SORL1: variants seen among roughly 807,000 people sequenced by gnomAD.
The protein encoded by SORL1 is sortilin related receptor 1.
Under a neutral mutation model 273.7 loss-of-function variants are expected in SORL1, and 127 were observed. The observed-to-expected ratio is 0.46, with a 90% CI of 0.40 to 0.54. The LOEUF (loss-of-function observed/expected upper bound fraction) is 0.54. Among genes scored for constraint, SORL1 ranks in the 20% least tolerant of loss-of-function variants. The pLI is 0.00. For synonymous variants in SORL1, 1,031 were observed against 1,067.4 expected (o/e 0.97, Z 0.66); for missense variants, 2,494 against 2,846.1 (o/e 0.88, Z 2.81).
At chr11:121,604,162 C>A (rs552404655) in intron 32 of SORL1, 31 bp from the exon 33 acceptor site, 2 of 1,612,140 alleles carry the variant, frequency 1.2e-6, no homozygotes, top group Admixed American at 3.3e-5. Flanking sequence ...GGCCCCTCCC[C>A]GTGGACTTAA....
intron 1 of SORL1, among the ~76,000 whole-genome samples, chr11:121,463,190 T>G (rs1861029264): frequency 6.6e-6 from 1 of 152,336 alleles, no homozygotes; most frequent in Admixed American, 6.5e-5. Flanking sequence ...CTGAGCTTAA[T>G]CTCATTTGCA....
chr11:121,487,460 C>T (rs891507630), intron 3 of SORL1, among the ~76,000 whole-genome samples: 1 of 152,242 alleles, frequency 6.6e-6, no homozygotes, highest in South Asian at 2.1e-4. Flanking sequence ...CCAGAGTGAG[C>T]CTGCCAGCCA....
rs1862709200 is a variant in SORL1 at position 121,563,567 on chromosome 11, T to C, written c.3050-3373T>C. Among the ~76,000 whole-genome samples the C allele has an allele frequency of 6.6e-6, 1 of 152,086 alleles. No individual in the cohort carries two copies. Among genetic ancestry groups the C allele is most frequent in the Non-Finnish European group, 1.5e-5 (1 of 68,016 alleles). On this transcript the variant is annotated intron_variant, in intron 21 of 47. Coordinates refer to ENST00000260197, the MANE Select transcript of SORL1 (RefSeq NM_003105.6). The surrounding 1 kb of genome is among the most constrained non-coding windows in gnomAD (Gnocchi z 4.2). ...TGTGCCACCATGCCTGGCTAATTTT[T>C]TGTATTTTAGTAGAGATTGGGTTTC...
Position 121,577,395 on chromosome 11 carries a change from G to C in SORL1, c.3575G>C (p.Cys1192Ser). The C allele has an allele frequency of 6.3e-7, 1 of 1,597,842 alleles. No homozygotes were observed. The change falls in exon 25 of 48, where the codon TGT becomes TCT. Residue 1192 changes from cysteine to serine, a missense_variant. By Grantham distance (112) the Cys-to-Ser change is moderately radical. Coordinates refer to ENST00000260197, the MANE Select transcript of SORL1 (RefSeq NM_003105.6). ...DCRDWSDEANCTAIYHTCEAS... is the reference protein window; with the variant it reads ...DCRDWSDEANSTAIYHTCEAS... ...AGGGACTGGTCTGATGAAGCCAACT[G>C]TACCGGTCAGTACTTCCTGGACTCA... is the stretch of plus-strand genomic sequence containing the variant.
At chr11:121,526,366 C>G (rs932120485) in intron 11 of SORL1, among the ~76,000 whole-genome samples, 5 of 152,128 alleles carry the variant, frequency 3.3e-5, no homozygotes, top group Admixed American at 3.3e-4. Context: ...ATTTCCAAAG[C>G]CTTATAGTAA....
At chr11:121,478,546 T>A (rs1210736875) in intron 3 of SORL1, among the ~76,000 whole-genome samples, 1 of 152,154 alleles carries the variant, frequency 6.6e-6, no homozygotes. Context: ...ATGGCAAAAA[T>A]GTTTCCCAGG....
In SORL1 at chr11:121,596,318, G is replaced by A. The variant is rs1211362429; in HGVS notation, c.4519+546G>A. 6.6e-6 allele frequency among the ~76,000 whole-genome samples: 1 copy of A among 152,216 alleles called. No individual in the cohort carries two copies. The highest frequency in any genetic ancestry group is 2.1e-4 in the South Asian group (1 of 4,836). On this transcript the variant is annotated intron_variant, in intron 32 of 47. Coordinates refer to ENST00000260197, the MANE Select transcript of SORL1 (RefSeq NM_003105.6). The surrounding 1 kb of genome is among the most constrained non-coding windows in gnomAD (Gnocchi z 4.3). ...GTGAGGTGATGCATGCATTCTCTAC[G>A]GGTTTGGAGTTGGTGGGTCCTGGTG... is the stretch of plus-strand genomic sequence containing the variant.
rs1313083593 is a variant in SORL1, at chr11:121,559,807, C to T, written c.3049+150C>T. On this transcript the variant is annotated intron_variant, in intron 21 of 47. Coordinates refer to ENST00000260197, the MANE Select transcript of SORL1 (RefSeq NM_003105.6). ...TTATTTAATTTCTTCCTAATGACAT[C>T]TTAATTTCTTTTCTAATGATACACA... 4.5e-6 allele frequency: 3 copies of T among 661,922 alleles called. No individual in the cohort carries two copies. The African/African-American group carries it at 5.6e-5, about 12-fold the overall frequency. The allele number at this position is 661,922 out of a possible 1,614,324, so 41.0% of individuals were successfully genotyped here.
intron 18 of SORL1, 104 bp downstream of exon 18, chr11:121,555,422 A>G: frequency 7.0e-7 from 1 of 1,434,356 alleles, no homozygotes; most frequent in Admixed American, 2.0e-5. Flanking sequence ...CAGATTACTC[A>G]GGAAATTTAC....
intron 2 of SORL1, among the ~76,000 whole-genome samples, chr11:121,475,358 A>G (rs141913617): frequency 6.6e-6 from 1 of 152,224 alleles, no homozygotes; most frequent in Admixed American, 6.5e-5. Context: ...AGGAAAGTTG[A>G]TGAGTGGTTC....
chr11:121,527,224 T>G (rs1862136817), intron 11 of SORL1, among the ~76,000 whole-genome samples: 1 of 151,908 alleles, frequency 6.6e-6, no homozygotes, highest in Non-Finnish European at 1.5e-5. Flanking sequence ...AATCAGATAC[T>G]GGATTTTGTG....
At chr11:121,618,944 GC>G in intron 42 of SORL1, 51 bp downstream of exon 42, 1 of 1,609,060 alleles carries the variant, frequency 6.2e-7, no homozygotes, top group Non-Finnish European at 8.5e-7. Context: ...TAAGTCCTGG[GC>G]TCTGGTCTCA....
intron 5 of SORL1, among the ~76,000 whole-genome samples, chr11:121,494,100 C>T (rs1238521771): frequency 1.3e-5 from 2 of 152,094 alleles, no homozygotes; most frequent in African/African-American, 4.8e-5. Context: ...GCTTAAGAAA[C>T]TATAAATTAA....
chr11:121,517,344 AC>A (rs1489199956), intron 8 of SORL1, among the ~76,000 whole-genome samples: 1 of 152,140 alleles, frequency 6.6e-6, no homozygotes. Flanking sequence ...ATAATATGTG[AC>A]CTTCTGTGTC....
Position 121,632,509 on chromosome 11 carries a change from C to G in SORL1, c.*2946C>G, listed in dbSNP as rs1863889519. On this transcript the variant is annotated 3_prime_UTR_variant, in exon 48 of 48. Transcript: ENST00000260197. Reference sequence around the variant, plus strand: ...GGACAAGTAATTCCTGGGGTTCTGTCTTTGGTAGCATCACCAGGGATATTT... The same window carrying G: ...GGACAAGTAATTCCTGGGGTTCTGTGTTTGGTAGCATCACCAGGGATATTT... The G allele has an allele frequency of 6.6e-6, 1 of 151,724 alleles. No individual in the cohort carries two copies. The highest frequency in any genetic ancestry group is 1.5e-5 in the Non-Finnish European group (1 of 67,968). The allele number at this position is 151,724 out of a possible 1,614,324, so 9.4% of individuals were successfully genotyped here.
chr11:121,532,615 T>A, intron 12 of SORL1, 63 bp downstream of exon 12: 1 of 1,339,678 alleles, frequency 7.5e-7, no homozygotes, highest in South Asian at 1.2e-5. Flanking sequence ...CGTCTGTGAT[T>A]ATAATTGGAT....
intron 12 of SORL1, among the ~76,000 whole-genome samples, chr11:121,534,621 T>G (rs1862244214): frequency 6.6e-6 from 1 of 152,252 alleles, no homozygotes; most frequent in Non-Finnish European, 1.5e-5. Context: ...GAGCTTGGCC[T>G]AAATCTGTGT....
rs570279069 is a variant in SORL1 at position 121,632,874 on chromosome 11, T to G, written c.*3311T>G. 3.9e-5 allele frequency: 6 copies of G among 152,250 alleles called. No homozygotes were observed. The highest frequency in any genetic ancestry group is 6.5e-5 in the Admixed American group (1 of 15,302). The allele number at this position is 152,250 out of a possible 1,614,324, so 9.4% of individuals were successfully genotyped here. ...CATGGGGAATTCCTGAAAATTTTCT[T>G]CCTTCTGCAGACAGTTGGATGAGTC... On this transcript the variant is annotated 3_prime_UTR_variant, in exon 48 of 48. Coordinates refer to ENST00000260197, the MANE Select transcript of SORL1 (RefSeq NM_003105.6).
At chr11:121,457,253 C>T (rs1008750232) in intron 1 of SORL1, among the ~76,000 whole-genome samples, 2 of 151,940 alleles carry the variant, frequency 1.3e-5, no homozygotes, top group South Asian at 2.1e-4. Flanking sequence ...AGTAAGGAGG[C>T]GGAATTTGGA....
Sources: gnomAD v4.1 joint callset for allele counts (sites outside exome capture counted in the v4.1 genomes callset) on GRCh38, gnomAD v4.1.1 for gene constraint, Gnocchi (gnomAD v3.1) non-coding constraint, MANE v1.5 for transcripts, NCBI Gene and HGNC (gene_info 2026-07-23, HGNC 2026-07-21) for gene names.